PTPRD: variants seen among roughly 807,000 people sequenced by gnomAD.
The protein encoded by PTPRD is protein tyrosine phosphatase receptor type D.
A neutral mutation model predicts 214.5 loss-of-function variants in PTPRD; 34 were observed. The ratio of observed to expected loss-of-function variants is 0.16; its 90% confidence interval spans 0.12 to 0.21. PTPRD has a LOEUF of 0.21. Among genes scored for constraint, PTPRD ranks in the 10% least tolerant of loss-of-function variants. PTPRD has a pLI of 1.00. For missense variants in PTPRD, 2,545 were observed against 2,398.7 expected, an observed-to-expected ratio of 1.06 and a Z score of -1.27; for synonymous variants, 1,128 against 845.7, an observed-to-expected ratio of 1.33 and a Z score of -5.79.
In PTPRD at chr9:9,865,481, C is replaced by T. The variant is rs188580161; in HGVS notation, c.-368+73026G>A. Among the ~76,000 whole-genome samples, 8 of 152,276 alleles carry T rather than the reference C, an allele frequency of 5.3e-5. 1 individual carries two copies. The East Asian group carries it at 1.6e-3, about 30-fold the overall frequency. On this transcript the variant is annotated intron_variant, in intron 5 of 45. Transcript: ENST00000381196. ...CCCTTTGCCATGTGACACTCTGTGT[C>T]ACCTAGGGACACCACAGTGTCCCCA...
At chr9:10,348,733 T>C (rs2097132111) in intron 2 of PTPRD, among the ~76,000 whole-genome samples, 1 of 152,180 alleles carries the variant, frequency 6.6e-6, no homozygotes, top group South Asian at 2.1e-4. Context: ...CTTCGATATA[T>C]GTGTGAAAGG....
At chr9:8,577,774 G>C (rs565247400) in intron 14 of PTPRD, among the ~76,000 whole-genome samples, 1 of 152,206 alleles carries the variant, frequency 6.6e-6, no homozygotes, top group South Asian at 2.1e-4. Flanking sequence ...TGCATCACCT[G>C]GGAACTCATT....
Position 10,533,029 on chromosome 9 carries a change from T to C in PTPRD, c.-600+79369A>G, listed in dbSNP as rs187245068. Among the ~76,000 whole-genome samples, 15 of 152,228 alleles carry C rather than the reference T, an allele frequency of 9.9e-5. No homozygotes were observed. In the East Asian group the frequency reaches 2.9e-3, roughly 29 times the overall value. Reference sequence around the variant, plus strand: ...TCATGAATAGATTAATGCCCTCTAATGCTCTCCAGATAGGGTGAGTTCTCC... The same window carrying C: ...TCATGAATAGATTAATGCCCTCTAACGCTCTCCAGATAGGGTGAGTTCTCC... On this transcript the variant is annotated intron_variant, in intron 2 of 45. Coordinates refer to ENST00000381196, the MANE Select transcript of PTPRD (RefSeq NM_002839.4).
chr9:9,441,765 C>T (rs1348065122), intron 8 of PTPRD, among the ~76,000 whole-genome samples: 1 of 152,076 alleles, frequency 6.6e-6, no homozygotes, highest in Non-Finnish European at 1.5e-5. Flanking sequence ...AATATTTATG[C>T]TAAAATGATA....
chr9:8,633,339 G>T lies in PTPRD; in HGVS notation c.330C>A (p.Ser110=). The change falls in exon 14 of 46, where the codon TCC becomes TCA. Residue 110 remains serine, a synonymous_variant. Coordinates refer to ENST00000381196, the MANE Select transcript of PTPRD (RefSeq NM_002839.4). ...ASNNVGEISV[S]TRLTVLREDQ... is the part of the protein sequence containing the mutation. Reference sequence around the variant, plus strand: ...TACCCCGCAAAACTGTGAGTCTGGTGGATACACTTATTTCTCCCACATTAT... The same window carrying T: ...TACCCCGCAAAACTGTGAGTCTGGTTGATACACTTATTTCTCCCACATTAT... 6.2e-7 allele frequency: 1 copy of T among 1,612,360 alleles called. No homozygotes were observed. Among genetic ancestry groups the T allele is most frequent in the Non-Finnish European group, 8.5e-7 (1 of 1,178,882 alleles).
intron 10 of PTPRD, among the ~76,000 whole-genome samples, chr9:9,146,995 G>C (rs1304414453): frequency 6.6e-6 from 1 of 152,042 alleles, no homozygotes; most frequent in Non-Finnish European, 1.5e-5. Context: ...CTTAAAAATG[G>C]ACAGATTTTG....
chr9:9,896,778 CAAATAT>C (rs2075092763), intron 5 of PTPRD, among the ~76,000 whole-genome samples: 2 of 151,848 alleles, frequency 1.3e-5, no homozygotes, highest in South Asian at 2.1e-4. Context: ...AGTACATTTT[CAAATAT>C]AAATATAATG....
chr9:8,456,772 T>C (rs1261171703), intron 33 of PTPRD, among the ~76,000 whole-genome samples: 1 of 152,068 alleles, frequency 6.6e-6, no homozygotes, highest in African/African-American at 2.4e-5. Context: ...ATAGTGTGCA[T>C]GCAGGCTAGA....
At chr9:9,114,728 C>A (rs143923889) in intron 10 of PTPRD, among the ~76,000 whole-genome samples, 5 of 152,142 alleles carry the variant, frequency 3.3e-5, no homozygotes, top group African/African-American at 1.2e-4. Flanking sequence ...CAATGTAACC[C>A]TTTTGCCTCC....
chr9:8,756,870 G>A (rs1224725911), intron 11 of PTPRD, among the ~76,000 whole-genome samples: 1 of 152,198 alleles, frequency 6.6e-6, no homozygotes, highest in Non-Finnish European at 1.5e-5. Flanking sequence ...GCCAGGCGCT[G>A]TGGCTCAAGC....
intron 3 of PTPRD, among the ~76,000 whole-genome samples, chr9:10,257,448 G>C (rs2093366857): frequency 1.3e-5 from 2 of 152,118 alleles, no homozygotes; most frequent in South Asian, 2.1e-4. Context: ...ATCACCATCA[G>C]AGAGAAAAAT....
At chr9:8,392,842 C>T (rs1387872186) in intron 36 of PTPRD, among the ~76,000 whole-genome samples, 1 of 151,948 alleles carries the variant, frequency 6.6e-6, no homozygotes, top group East Asian at 1.9e-4. Context: ...TTCATAAAAC[C>T]CAATATAACA....
chr9:9,657,353 G>GA (rs2096538930), intron 7 of PTPRD, among the ~76,000 whole-genome samples: 1 of 151,942 alleles, frequency 6.6e-6, no homozygotes, highest in African/African-American at 2.4e-5. Flanking sequence ...TACACAAGAA[G>GA]AAAAAAACAA....
At chr9:9,814,190 G>A (rs751545387) in intron 5 of PTPRD, among the ~76,000 whole-genome samples, 28 of 151,886 alleles carry the variant, frequency 1.8e-4, no homozygotes, top group Non-Finnish European at 2.4e-4. Context: ...GTAAACATTA[G>A]ACTCAATGAT....
At chr9:8,480,787 C>T (rs1406057539) in intron 30 of PTPRD, among the ~76,000 whole-genome samples, 1 of 152,136 alleles carries the variant, frequency 6.6e-6, no homozygotes, top group South Asian at 2.1e-4. Flanking sequence ...CGCTGTCATA[C>T]TGAAATTGCT....
intron 8 of PTPRD, among the ~76,000 whole-genome samples, chr9:9,470,154 T>C (rs2094492316): frequency 6.6e-6 from 1 of 152,162 alleles, no homozygotes; most frequent in Non-Finnish European, 1.5e-5. Flanking sequence ...GTGGTGTTAA[T>C]AGTGGATGTG....
At chr9:8,340,112 T>C (rs1487680737) in intron 42 of PTPRD, among the ~76,000 whole-genome samples, 1 of 152,162 alleles carries the variant, frequency 6.6e-6, no homozygotes, top group Non-Finnish European at 1.5e-5. Flanking sequence ...GTCTCCATGC[T>C]TGTGCTTCAC....
intron 12 of PTPRD, among the ~76,000 whole-genome samples, chr9:8,655,379 T>C (rs2096889285): frequency 1.3e-5 from 2 of 152,198 alleles, no homozygotes; most frequent in Admixed American, 1.3e-4. Context: ...CCAGAATTTA[T>C]TGTAACTTAG....
chr9:8,544,339 C>T (rs940256533), intron 14 of PTPRD, among the ~76,000 whole-genome samples: 2 of 151,596 alleles, frequency 1.3e-5, no homozygotes, highest in African/African-American at 4.8e-5. Flanking sequence ...GTATCGGCCT[C>T]CCAAAGTGCT....
Sources: allele counts gnomAD v4.1 joint callset (sites outside exome capture counted in the v4.1 genomes callset), GRCh38; gene constraint gnomAD v4.1.1; transcripts MANE v1.5; gene names NCBI Gene and HGNC (gene_info 2026-07-23, HGNC 2026-07-21).